Variants in KAT6B observed in about 807,000 individuals in gnomAD.
KAT6B encodes histone acetyltransferase KAT6B.
Under a neutral mutation model 187.5 loss-of-function variants are expected in KAT6B, and 10 were observed. The ratio of observed to expected loss-of-function variants is 0.05; its 90% CI spans 0.03 to 0.09. The LOEUF (loss-of-function observed/expected upper bound fraction) is 0.09, where lower values mean the gene tolerates loss of function less well. Among genes scored for constraint, KAT6B ranks in the 10% least tolerant of loss-of-function variants. The pLI is 1.00. For synonymous variants in KAT6B, 861 were observed against 926.8 expected (o/e 0.93, Z 1.29); for missense variants, 1,952 against 2,558.9 (o/e 0.76, Z 5.12).
chr10:74,831,660 G>A lies in KAT6B; in HGVS notation c.-329+4875G>A, dbSNP rs970198943. On this transcript the variant is annotated intron_variant, in intron 1 of 17. Coordinates refer to ENST00000287239, the MANE Select transcript of KAT6B (RefSeq NM_012330.4). ...AGTTCAGCCAGATTAGATTTTACAG[G>A]TCTCCAGCTGACTGTATTGCCCTTT... is the stretch of plus-strand genomic sequence containing the variant. Among the ~76,000 whole-genome samples, 4 of 152,286 alleles carry A rather than the reference G, an allele frequency of 2.6e-5. No individual in the cohort carries two copies. The East Asian group carries it at 7.7e-4, about 29-fold the overall frequency.
At chr10:74,920,290 A>G (rs1564564670) in intron 3 of KAT6B, among the ~76,000 whole-genome samples, 1 of 152,124 alleles carries the variant, frequency 6.6e-6, no homozygotes, top group Non-Finnish European at 1.5e-5. Flanking sequence ...TTGAAGCCCC[A>G]TTTACAATAG....
intron 17 of KAT6B, among the ~76,000 whole-genome samples, chr10:75,027,248 C>G (rs2134220110): frequency 6.6e-6 from 1 of 152,314 alleles, no homozygotes; most frequent in East Asian, 1.9e-4. Flanking sequence ...CTCGGCACTT[C>G]TCAAGGAAAC....
chr10:75,019,026 G>A (rs758118737), intron 13 of KAT6B, among the ~76,000 whole-genome samples: 7 of 152,176 alleles, frequency 4.6e-5, no homozygotes, highest in Admixed American at 1.3e-4. Context: ...ACACAGAGAC[G>A]TAGAGAGCTC....
chr10:74,922,367 G>A (rs572044678), intron 3 of KAT6B, among the ~76,000 whole-genome samples: 51 of 152,228 alleles, frequency 3.4e-4, no homozygotes, highest in Non-Finnish European at 6.3e-4. Flanking sequence ...AATTTAGGAA[G>A]TGCCCTCCAG....
Position 74,842,714 on chromosome 10 carries a change from A to G in KAT6B, c.-144A>G. 1.1e-6 allele frequency: 1 copy of G among 889,974 alleles called. No individual in the cohort carries two copies. The highest frequency in any genetic ancestry group is 1.4e-5 in the South Asian group (1 of 72,224). The allele number at this position is 889,974 out of a possible 1,614,324, so 55.1% of individuals were successfully genotyped here. On this transcript the variant is annotated 5_prime_UTR_variant, in exon 3 of 18. It removes an upstream start codon present in the reference 5' UTR. Transcript: ENST00000287239. The stretch of plus-strand genomic sequence containing the variant: ...CTGCTTTTGAATCTCTTAAGGATGG[A>G]TGTTTGTAAGATGTTGCTTAATACA...
At chr10:74,915,537 G>A (rs1457103740) in intron 3 of KAT6B, among the ~76,000 whole-genome samples, 1 of 152,144 alleles carries the variant, frequency 6.6e-6, no homozygotes, top group East Asian at 1.9e-4. Context: ...TTGACATAAT[G>A]ACATCACATT....
chr10:74,864,076 G>C (rs1564528680), intron 3 of KAT6B, among the ~76,000 whole-genome samples: 1 of 151,904 alleles, frequency 6.6e-6, no homozygotes, highest in African/African-American at 2.4e-5. Flanking sequence ...ATTTTTTGTT[G>C]TTGTTTTTTT....
At chr10:74,934,627 T>C (rs1849111746) in intron 3 of KAT6B, among the ~76,000 whole-genome samples, 1 of 152,152 alleles carries the variant, frequency 6.6e-6, no homozygotes, top group South Asian at 2.1e-4. Context: ...GTCTCCAGTC[T>C]TCTCCCTCCA....
chr10:74,881,029 T>C (rs1463247414), intron 3 of KAT6B, among the ~76,000 whole-genome samples: 1 of 151,980 alleles, frequency 6.6e-6, no homozygotes, highest in Non-Finnish European at 1.5e-5. Flanking sequence ...GTTCAAGCCA[T>C]TATCCTACCT....
chr10:75,017,817 TAC>T (rs1306418914), intron 13 of KAT6B, among the ~76,000 whole-genome samples: 1 of 152,258 alleles, frequency 6.6e-6, no homozygotes, highest in Non-Finnish European at 1.5e-5. Flanking sequence ...TTCTAAGCTG[TAC>T]AGTTTAACAT....
At chr10:74,940,188 T>C (rs1195803270) in intron 3 of KAT6B, among the ~76,000 whole-genome samples, 1 of 152,326 alleles carries the variant, frequency 6.6e-6, no homozygotes, top group East Asian at 1.9e-4. Flanking sequence ...GAAAACCATG[T>C]GTATGTATAC....
Position 75,029,137 on chromosome 10 carries a change from A to T in KAT6B, c.4313A>T (p.Glu1438Val). 1 of 1,614,148 alleles carries T rather than the reference A, an allele frequency of 6.2e-7. No individual in the cohort carries two copies. The change falls in exon 18 of 18, where the codon GAA becomes GTA. Residue 1438 changes from glutamate to valine, a missense_variant. Glu to Val is a moderately radical substitution (Grantham distance 121). Coordinates refer to ENST00000287239, the MANE Select transcript of KAT6B (RefSeq NM_012330.4). The surrounding 1 kb of genome is among the most constrained non-coding windows in gnomAD (Gnocchi z 6.2). ...DEDDSHMESA[E>V]VEKEELPRES... Reference sequence around the variant, plus strand: ...GATGACAGCCACATGGAGTCTGCCGAAGTGGAGAAGGAAGAGCTGCCCAGA... The same window carrying T: ...GATGACAGCCACATGGAGTCTGCCGTAGTGGAGAAGGAAGAGCTGCCCAGA...
chr10:74,895,330 A>G (rs78938607), intron 3 of KAT6B, among the ~76,000 whole-genome samples: 3,542 of 151,472 alleles, frequency 0.023, 139 homozygotes, highest in African/African-American at 0.081. Context: ...TCTCCCATTC[A>G]TAAGTTGCCT....
At chr10:74,943,137 C>T (rs1415111145) in intron 3 of KAT6B, among the ~76,000 whole-genome samples, 1 of 151,992 alleles carries the variant, frequency 6.6e-6, no homozygotes, top group East Asian at 1.9e-4. Context: ...TTAGCAGGGT[C>T]CTAGGATACA....
intron 3 of KAT6B, among the ~76,000 whole-genome samples, chr10:74,949,480 A>G (rs1322265923): frequency 1.3e-5 from 2 of 152,216 alleles, no homozygotes; most frequent in African/African-American, 2.4e-5. Flanking sequence ...ATGAGATGCT[A>G]TTGTTAAATG....
intron 3 of KAT6B, among the ~76,000 whole-genome samples, chr10:74,929,470 A>G (rs4558113): frequency 0.98 from 148,754 of 152,302 alleles, 72,744 homozygotes; most frequent in East Asian, 1. Context: ...CATTGACCGA[A>G]TGCCACCAGT....
At chr10:74,887,516 G>T (rs887537896) in intron 3 of KAT6B, among the ~76,000 whole-genome samples, 1 of 151,994 alleles carries the variant, frequency 6.6e-6, no homozygotes, top group African/African-American at 2.4e-5. Context: ...GTAGAGATGG[G>T]GTTTTACCAT....
chr10:74,829,890 C>A (rs1039295930), intron 1 of KAT6B, among the ~76,000 whole-genome samples: 5 of 151,400 alleles, frequency 3.3e-5, no homozygotes, highest in Admixed American at 1.3e-4. Context: ...TGGTGGCGGG[C>A]GCCTGTAGTC....
chr10:74,892,089 T>A (rs1160105586), intron 3 of KAT6B, among the ~76,000 whole-genome samples: 1 of 152,310 alleles, frequency 6.6e-6, no homozygotes, highest in East Asian at 1.9e-4. Context: ...AGGGACAGGC[T>A]GAGTGTGGTG....
Sources: allele counts gnomAD v4.1 joint callset (sites outside exome capture counted in the v4.1 genomes callset), GRCh38; gene constraint gnomAD v4.1.1; non-coding constraint Gnocchi (gnomAD v3.1); transcripts MANE v1.5; gene names NCBI Gene and HGNC (gene_info 2026-07-23, HGNC 2026-07-21).